Variants in ACSL3 observed in about 807,000 individuals in gnomAD.
ACSL3 encodes fatty acid CoA ligase Acsl3.
ACSL3 carries 34 observed loss-of-function variants against 84.7 expected under a neutral mutation model. That is an observed-to-expected ratio of 0.40 (90% CI 0.31 to 0.53). ACSL3 has a LOEUF of 0.53. Among genes scored for constraint, ACSL3 ranks in the 20% least tolerant of loss-of-function variants. The pLI is 0.48. For synonymous variants in ACSL3, 315 were observed against 299.4 expected (o/e 1.05, Z -0.54); for missense variants, 680 against 873.1 (o/e 0.78, Z 2.79).
chr2:222,937,740 A>T (rs371462741), intron 16 of ACSL3, among the ~76,000 whole-genome samples: 4 of 152,058 alleles, frequency 2.6e-5, no homozygotes, highest in African/African-American at 7.2e-5. Flanking sequence ...CTTGTTTTAT[A>T]TTCAGTTGGT....
chr2:222,900,816 C>G (rs553647093), intron 3 of ACSL3, 36 bp downstream of exon 3: 3 of 152,328 alleles, frequency 2.0e-5, no homozygotes, highest in East Asian at 1.9e-4. Context: ...TATCTAATTT[C>G]TTTGCCTTTT....
chr2:222,882,383 T>C (rs899142837), intron 1 of ACSL3, among the ~76,000 whole-genome samples: 6 of 152,186 alleles, frequency 3.9e-5, no homozygotes, highest in Admixed American at 6.5e-5. Flanking sequence ...TTATGATTCT[T>C]ACTTCTTTAT....
chr2:222,882,989 GA>G (rs5838968), intron 1 of ACSL3, among the ~76,000 whole-genome samples: 89,333 of 151,270 alleles, frequency 0.59, 26,733 homozygotes, highest in East Asian at 0.76. Context: ...GGATGGGCTC[GA>G]ATCTCCTGAC....
intron 2 of ACSL3, among the ~76,000 whole-genome samples, chr2:222,890,289 C>G (rs966975434): frequency 6.6e-6 from 1 of 152,110 alleles, no homozygotes; most frequent in African/African-American, 2.4e-5. Context: ...AAGGAAACAT[C>G]TAAGTAATCT....
chr2:222,867,882 C>G (rs1695194685), intron 1 of ACSL3, among the ~76,000 whole-genome samples: 1 of 151,942 alleles, frequency 6.6e-6, no homozygotes, highest in African/African-American at 2.4e-5. Context: ...AGCTAAGGTA[C>G]CATTCTTTGT....
At chr2:222,912,962 TTGAAA>T (rs1383578132) in intron 4 of ACSL3, among the ~76,000 whole-genome samples, 8 of 152,230 alleles carry the variant, frequency 5.3e-5, no homozygotes, top group Admixed American at 2.6e-4. Context: ...TAACGTCGTC[TTGAAA>T]TGAACAGTGA....
At position 222,888,797 on chromosome 2, in the gene ACSL3, G is replaced by A. The variant is rs367787722; in HGVS notation, c.-148+909G>A. On this transcript the variant is annotated intron_variant, in intron 2 of 16. Coordinates refer to ENST00000357430, the MANE Select transcript of ACSL3 (RefSeq NM_004457.5). ...GCTTTGTTTGCGACGCTTTGTTTGCGTATCCAAGATTGCCATCTTTTAATG... is the reference window on the plus strand; with the variant it reads ...GCTTTGTTTGCGACGCTTTGTTTGCATATCCAAGATTGCCATCTTTTAATG... 3.9e-3 allele frequency among the ~76,000 whole-genome samples: 587 copies of A among 152,224 alleles called. 2 individuals carry two copies. The highest frequency in any genetic ancestry group is 0.02 in the Middle Eastern group (6 of 294).
At chr2:222,905,591 G>A (rs1216466433) in intron 3 of ACSL3, among the ~76,000 whole-genome samples, 1 of 152,198 alleles carries the variant, frequency 6.6e-6, no homozygotes, top group Middle Eastern at 3.2e-3. Context: ...TCTAGGTGTA[G>A]CAAGACCGTT....
Position 222,942,483 on chromosome 2 carries a change from AAGAG to A in ACSL3, c.*832_*835del, listed in dbSNP as rs1220601489. On this transcript the variant is annotated 3_prime_UTR_variant, in exon 17 of 17. Coordinates refer to ENST00000357430, the MANE Select transcript of ACSL3 (RefSeq NM_004457.5). ...CCAAACTTAAATGGAAGAATTCTGA[AAGAG>A]AGGATAGAATTTAAAGAACAAGAGT... 2 of 192,710 alleles carry A rather than the reference AAGAG, an allele frequency of 1.0e-5. No homozygotes were observed. The highest frequency in any genetic ancestry group is 2.2e-5 in the Non-Finnish European group (2 of 92,248). The allele number at this position is 192,710 out of a possible 1,614,324, so 11.9% of individuals were successfully genotyped here.
At chr2:222,902,541 T>C (rs554299587) in intron 3 of ACSL3, among the ~76,000 whole-genome samples, 2 of 152,382 alleles carry the variant, frequency 1.3e-5, no homozygotes, top group African/African-American at 4.8e-5. Flanking sequence ...ATTCAATTTA[T>C]TATAATGCTT....
At chr2:222,880,100 AAAGTCCCATGAC>A (rs1695552684) in intron 1 of ACSL3, among the ~76,000 whole-genome samples, 1 of 152,230 alleles carries the variant, frequency 6.6e-6, no homozygotes, top group Non-Finnish European at 1.5e-5. Context: ...GCCATATACA[AAAGTCCCATGAC>A]TATTTCTGGT....
At position 222,918,948 on chromosome 2, in the gene ACSL3, T is replaced by C. The variant is rs1436202866; in HGVS notation, c.667-116T>C. ...TATTATGCCAGTGTACCCTTTCTTC[T>C]TTCTTTTTTGAGGCAAGAAATTACT... On this transcript the variant is annotated intron_variant, in intron 6 of 16. Transcript: ENST00000357430. 10 of 1,277,342 alleles carry C rather than the reference T, an allele frequency of 7.8e-6. No individual in the cohort carries two copies. The East Asian group carries it at 2.2e-4, about 29-fold the overall frequency. The allele number at this position is 1,277,342 out of a possible 1,614,324, so 79.1% of individuals were successfully genotyped here. A position where few individuals can be genotyped will look rare whatever the true frequency, so the allele number is the denominator to read the frequency against.
chr2:222,920,902 C>T, intron 7 of ACSL3: 2 of 456,450 alleles, frequency 4.4e-6, no homozygotes, highest in Admixed American at 5.2e-5. Flanking sequence ...TTATTTCCTT[C>T]TAATTAGAAC....
At chr2:222,868,347 G>A (rs1192285397) in intron 1 of ACSL3, among the ~76,000 whole-genome samples, 1 of 152,170 alleles carries the variant, frequency 6.6e-6, no homozygotes, top group African/African-American at 2.4e-5. Flanking sequence ...GTAAAATGGA[G>A]ATAATAGAAA....
intron 1 of ACSL3, among the ~76,000 whole-genome samples, chr2:222,869,648 G>A (rs189587842): frequency 1.3e-5 from 2 of 152,344 alleles, no homozygotes; most frequent in African/African-American, 4.8e-5. Context: ...TTTTGCCACA[G>A]TAGCCAGGGA....
intron 16 of ACSL3, among the ~76,000 whole-genome samples, chr2:222,939,004 C>T (rs531593440): frequency 5.9e-5 from 9 of 151,448 alleles, no homozygotes; most frequent in African/African-American, 1.9e-4. Context: ...TTTGTTCATG[C>T]GTTGTTTTCT....
chr2:222,930,258 TATTA>T (rs1449438186), intron 13 of ACSL3, among the ~76,000 whole-genome samples: 1 of 152,236 alleles, frequency 6.6e-6, no homozygotes, highest in Admixed American at 6.5e-5. Context: ...GGATTTGTTC[TATTA>T]ATTGCATGAC....
intron 7 of ACSL3, 100 bp from the exon 8 acceptor site, chr2:222,921,180 C>T: frequency 1.5e-6 from 2 of 1,345,714 alleles, no homozygotes; most frequent in Non-Finnish European, 1.0e-6. Context: ...TAAATTAACT[C>T]AATTTGATTG....
chr2:222,890,446 T>C (rs1016150562), intron 2 of ACSL3, among the ~76,000 whole-genome samples: 1 of 152,224 alleles, frequency 6.6e-6, no homozygotes, highest in Non-Finnish European at 1.5e-5. Context: ...CTTTAATTCT[T>C]TTACATTCTC....
Sources: allele counts gnomAD v4.1 joint callset (sites outside exome capture counted in the v4.1 genomes callset), GRCh38; gene constraint gnomAD v4.1.1; transcripts MANE v1.5; gene names NCBI Gene and HGNC (gene_info 2026-07-23, HGNC 2026-07-21).